PCLO: variants seen among roughly 807,000 people sequenced by gnomAD.
The protein encoded by PCLO is piccolo presynaptic cytomatrix protein, also known as protein piccolo.
Under a neutral mutation model 427.5 loss-of-function variants are expected in PCLO, and 82 were observed. The observed-to-expected ratio is 0.19, with a 90% CI of 0.16 to 0.23. PCLO has a LOEUF of 0.23. PCLO is among the 10% of genes least tolerant of loss of function. The pLI is 1.00. For synonymous variants in PCLO, 2,357 were observed against 2,155.4 expected, an observed-to-expected ratio of 1.09 and a Z score of -2.59; for missense variants, 6,239 against 6,115.9, an observed-to-expected ratio of 1.02 and a Z score of -0.67.
At chr7:82,838,089 T>C (rs1663753394) in intron 15 of PCLO, 129 bp downstream of exon 15, 1 of 669,272 alleles carries the variant, frequency 1.5e-6, no homozygotes, top group Non-Finnish European at 2.5e-6. Flanking sequence ...AATAAATAAA[T>C]ATGACATGTG....
intron 6 of PCLO, among the ~76,000 whole-genome samples, chr7:82,918,575 T>C (rs1037335627): frequency 6.6e-6 from 1 of 152,068 alleles, no homozygotes; most frequent in African/African-American, 2.4e-5. Context: ...TTAACATAGA[T>C]ATGTCATGTT....
chr7:82,812,933 A>T (rs1447031661), intron 20 of PCLO, among the ~76,000 whole-genome samples: 1 of 151,560 alleles, frequency 6.6e-6, no homozygotes, highest in African/African-American at 2.4e-5. Flanking sequence ...CTCAAGCAGG[A>T]ATAAAGACTA....
At chr7:82,882,952 T>C (rs1035517765) in intron 9 of PCLO, among the ~76,000 whole-genome samples, 6 of 152,082 alleles carry the variant, frequency 3.9e-5, no homozygotes, top group African/African-American at 1.2e-4. Flanking sequence ...ATTTTCAACA[T>C]TAAAATATAT....
At chr7:82,914,652 T>G (rs765208747) in intron 7 of PCLO, 34 bp downstream of exon 7, 7 of 1,604,170 alleles carry the variant, frequency 4.4e-6, no homozygotes, top group Non-Finnish European at 6.0e-6. Flanking sequence ...GTTTGAGTTT[T>G]GAGAGTAACA....
chr7:82,841,643 G>A, intron 13 of PCLO, 134 bp from the exon 14 acceptor site: 2 of 622,198 alleles, frequency 3.2e-6, no homozygotes, highest in Non-Finnish European at 5.7e-6. Flanking sequence ...CCATTTGGCT[G>A]CTTCAGAATA....
chr7:82,871,305 A>G (rs1793230998), intron 10 of PCLO, among the ~76,000 whole-genome samples: 1 of 152,060 alleles, frequency 6.6e-6, no homozygotes. Flanking sequence ...ATTTGCAGCA[A>G]CATAAGTGGA....
intron 4 of PCLO, among the ~76,000 whole-genome samples, chr7:82,962,881 ATATT>A (rs1795683472): frequency 6.6e-6 from 1 of 151,946 alleles, no homozygotes; most frequent in Admixed American, 6.6e-5. Context: ...ATTTTGAAGA[ATATT>A]TATTTTGTAC....
At chr7:82,813,707 C>T (rs2115585828) in intron 20 of PCLO, among the ~76,000 whole-genome samples, 1 of 151,742 alleles carries the variant, frequency 6.6e-6, no homozygotes, top group South Asian at 2.1e-4. Context: ...ATTATTTGCA[C>T]TAAAAATAAT....
intron 22 of PCLO, among the ~76,000 whole-genome samples, chr7:82,777,534 T>C (rs1790780541): frequency 6.6e-6 from 1 of 152,134 alleles, no homozygotes; most frequent in South Asian, 2.1e-4. Context: ...CAAAACAGCA[T>C]GGCACTGGTA....
chr7:82,966,106 G>A lies in PCLO; in HGVS notation c.3682C>T (p.Arg1228Cys), dbSNP rs373217000. 30 of 1,607,624 alleles carry A rather than the reference G, an allele frequency of 1.9e-5. No individual in the cohort carries two copies. The highest frequency in any genetic ancestry group is 1.6e-4 in the African/African-American group (12 of 74,064). The change falls in exon 4 of 25, where the codon CGT (arginine) becomes TGT (cysteine). Residue 1228 changes from arginine to cysteine, a missense_variant. Physicochemically the swap from Arg to Cys is radical, Grantham distance 180. Transcript: ENST00000333891. ...AGGAGTGGCTTTTTTTCTTCAGAACGTATCTTTTCTTCTTCAGGGATTAGT... is the reference window on the plus strand; with the variant it reads ...AGGAGTGGCTTTTTTTCTTCAGAACATATCTTTTCTTCTTCAGGGATTAGT... ...KKLIPEEEKI[R>C]SEEKKPLLEE... is the part of the protein sequence containing the mutation.
chr7:83,132,624 G>A (rs907001389), intron 3 of PCLO, among the ~76,000 whole-genome samples: 3 of 151,998 alleles, frequency 2.0e-5, no homozygotes, highest in Admixed American at 6.6e-5. Flanking sequence ...ACATATGTAT[G>A]CATATCCATA....
rs762333019 is a variant in PCLO, at chr7:82,966,031, T to C, written c.3757A>G (p.Lys1253Glu). 11 of 1,613,528 alleles carry C rather than the reference T, an allele frequency of 6.8e-6. No individual in the cohort carries two copies. The highest frequency in any genetic ancestry group is 8.5e-6 in the Non-Finnish European group (10 of 1,179,802). ...PEDKKLLPEA[K>E]TSAPEEQKHD... ...TTCTGTTCTTCTGGGGCTGATGTTT[T>C]TGCCTCTGGGAGTAGCTTTTTGTCT... is the stretch of plus-strand genomic sequence containing the variant. Residue 1253 changes from lysine to glutamate, a missense_variant, in exon 4 of 25, where the codon AAA becomes GAA. Coordinates refer to ENST00000333891, the MANE Select transcript of PCLO (RefSeq NM_033026.6).
intron 24 of PCLO, among the ~76,000 whole-genome samples, chr7:82,758,950 GA>G (rs1790373905): frequency 6.6e-6 from 1 of 151,806 alleles, no homozygotes; most frequent in African/African-American, 2.4e-5. Flanking sequence ...CAAAGGAAAA[GA>G]CACATTCTGA....
At chr7:82,863,411 C>G (rs1309345017) in intron 10 of PCLO, among the ~76,000 whole-genome samples, 1 of 151,856 alleles carries the variant, frequency 6.6e-6, no homozygotes, top group Non-Finnish European at 1.5e-5. Context: ...TGCAAATATT[C>G]TGTTCTTTAT....
intron 3 of PCLO, among the ~76,000 whole-genome samples, chr7:82,976,081 A>G (rs563681695): frequency 1.3e-5 from 2 of 152,316 alleles, no homozygotes; most frequent in East Asian, 3.9e-4. Flanking sequence ...AGGTAGTAGA[A>G]GCAAAGCAGT....
chr7:83,069,761 T>A lies in PCLO; in HGVS notation c.3300+64489A>T, dbSNP rs1363037173. Among the ~76,000 whole-genome samples the A allele has an allele frequency of 2.7e-5, 4 of 146,328 alleles. No homozygotes were observed. In the East Asian group the frequency reaches 8.2e-4, roughly 30 times the overall value. Reference sequence around the variant, plus strand: ...ATATTCTTGGCTCTTCACAACATACTCTAAAGATTCTCCACCTCCCCCACC... The same window carrying A: ...ATATTCTTGGCTCTTCACAACATACACTAAAGATTCTCCACCTCCCCCACC... On this transcript the variant is annotated intron_variant, in intron 3 of 24. Coordinates refer to ENST00000333891, the MANE Select transcript of PCLO (RefSeq NM_033026.6).
chr7:83,095,463 A>G (rs67565161), intron 3 of PCLO, among the ~76,000 whole-genome samples: 69,257 of 150,438 alleles, frequency 0.46, 16,290 homozygotes, highest in East Asian at 0.71. Flanking sequence ...TTTTCCTTCT[A>G]CTTGCTTTTG....
chr7:82,882,161 T>C (rs1402466115), intron 9 of PCLO, among the ~76,000 whole-genome samples: 1 of 152,182 alleles, frequency 6.6e-6, no homozygotes, highest in African/African-American at 2.4e-5. Context: ...ATTTCTATAG[T>C]TGTACTGTAA....
intron 2 of PCLO, among the ~76,000 whole-genome samples, chr7:83,144,251 GT>G (rs1181983106): frequency 1.3e-5 from 2 of 152,066 alleles, no homozygotes; most frequent in Non-Finnish European, 2.9e-5. Flanking sequence ...GTGAAACCCT[GT>G]CTCTACTAAA....
Sources: gnomAD v4.1 joint callset for allele counts (sites outside exome capture counted in the v4.1 genomes callset) on GRCh38, gnomAD v4.1.1 for gene constraint, MANE v1.5 for transcripts, NCBI Gene and HGNC (gene_info 2026-07-23, HGNC 2026-07-21) for gene names.